The following TRIOBP variants were observed in gnomAD, a reference collection of about 807,000 sequenced individuals.
TRIOBP encodes the protein TRIO and F-actin-binding protein.
A neutral mutation model predicts 238.8 loss-of-function variants in TRIOBP; 169 were observed. That is an observed-to-expected ratio of 0.71 (90% confidence interval 0.62 to 0.80). TRIOBP has a LOEUF of 0.80. Among genes scored for constraint, TRIOBP ranks in the 30% least tolerant of loss-of-function variants. The pLI is 0.00. For synonymous variants in TRIOBP, 1,150 were observed against 1,274.4 expected (o/e 0.90, Z 2.08); for missense variants, 2,838 against 3,122.6 (o/e 0.91, Z 2.17).
At chr22:37,766,264 A>G (rs1926490174) in intron 18 of TRIOBP, among the ~76,000 whole-genome samples, 1 of 152,228 alleles carries the variant, frequency 6.6e-6, no homozygotes, top group Non-Finnish European at 1.5e-5. Context: ...ACTGGGCCCC[A>G]CATGTTTCCC....
intron 10 of TRIOBP, 131 bp downstream of exon 10, chr22:37,738,850 T>C (rs1216002967): frequency 1.0e-6 from 1 of 955,630 alleles, no homozygotes; most frequent in Non-Finnish European, 1.6e-6. Flanking sequence ...GGGTCATCTA[T>C]GTGCATGGTG....
At chr22:37,707,820 T>C (rs942023954) in intron 3 of TRIOBP, among the ~76,000 whole-genome samples, 3 of 150,864 alleles carry the variant, frequency 2.0e-5, no homozygotes, top group African/African-American at 7.3e-5. Context: ...CGGACCCCTG[T>C]AGTCCCAGCT....
Position 37,776,534 on chromosome 22 carries a change from G to A in TRIOBP, c.*2754G>A, listed in dbSNP as rs1927040635. Reference sequence around the variant, plus strand: ...TACAGCTGTGTGTCAGTAGTAGAATGAATAAATTGTGGTCGATTCATACGT... The same window carrying A: ...TACAGCTGTGTGTCAGTAGTAGAATAAATAAATTGTGGTCGATTCATACGT... On this transcript the variant is annotated 3_prime_UTR_variant, in exon 24 of 24. Coordinates refer to ENST00000644935, the MANE Select transcript of TRIOBP (RefSeq NM_001039141.3). The A allele has an allele frequency of 6.6e-6, 1 of 152,196 alleles. No homozygotes were observed. The highest frequency in any genetic ancestry group is 1.5e-5 in the Non-Finnish European group (1 of 68,040). 9.4% of individuals were successfully genotyped at this position (152,196 alleles called of 1,614,324 possible). A position where few individuals can be genotyped will look rare whatever the true frequency, so the allele number is the denominator to read the frequency against.
chr22:37,707,043 G>A (rs1027964132), intron 3 of TRIOBP, among the ~76,000 whole-genome samples: 1 of 152,128 alleles, frequency 6.6e-6, no homozygotes, highest in Non-Finnish European at 1.5e-5. Context: ...CGAGGCGGGT[G>A]GATCACTTGA....
intron 15 of TRIOBP, among the ~76,000 whole-genome samples, chr22:37,756,473 T>C (rs1026860734): frequency 3.3e-5 from 5 of 152,338 alleles, no homozygotes; most frequent in Admixed American, 3.3e-4. Flanking sequence ...TAGCATGTCA[T>C]GTCTGTACAT....
At chr22:37,714,409 C>G (rs1923412526) in intron 5 of TRIOBP, among the ~76,000 whole-genome samples, 1 of 152,222 alleles carries the variant, frequency 6.6e-6, no homozygotes, top group African/African-American at 2.4e-5. Flanking sequence ...TGGCTCACGC[C>G]TGTAATCCCA....
rs748028679 is a variant in TRIOBP at position 37,750,528 on chromosome 22, G to A, written c.5323-1244G>A. On this transcript the variant is annotated intron_variant, in intron 11 of 23. Transcript: ENST00000644935. ...TTCATTCTTAGCTTGGGATCGCCCTGGGCAGCCTCCGTCTCAGGTGGAAGA... is the reference window on the plus strand; with the variant it reads ...TTCATTCTTAGCTTGGGATCGCCCTAGGCAGCCTCCGTCTCAGGTGGAAGA... 1.9e-5 allele frequency: 8 copies of A among 419,928 alleles called. No individual in the cohort carries two copies. In the East Asian group the frequency reaches 2.2e-4, roughly 11 times the overall value. The allele number at this position is 419,928 out of a possible 1,614,324, so 26.0% of individuals were successfully genotyped here. A position where few individuals can be genotyped will look rare whatever the true frequency, so the allele number is the denominator to read the frequency against.
At chr22:37,710,355 G>A in intron 3 of TRIOBP, 72 bp from the exon 4 acceptor site, 1 of 1,601,336 alleles carries the variant, frequency 6.2e-7, no homozygotes, top group South Asian at 1.1e-5. Flanking sequence ...ACGCCACCGG[G>A]AGGGGCTGTG....
At chr22:37,734,282 T>C in intron 8 of TRIOBP, 117 bp from the exon 9 acceptor site, 1 of 1,017,202 alleles carries the variant, frequency 9.8e-7, no homozygotes, top group Non-Finnish European at 1.5e-6. Context: ...TTTGGCCTGC[T>C]TTGATTCAGG....
At chr22:37,745,848 T>G (rs1040524238) in intron 11 of TRIOBP, among the ~76,000 whole-genome samples, 1 of 152,104 alleles carries the variant, frequency 6.6e-6, no homozygotes, top group Non-Finnish European at 1.5e-5. Flanking sequence ...AGCGGACCCA[T>G]CGCTCCGGGG....
chr22:37,737,648 G>C (rs556329020), intron 9 of TRIOBP, among the ~76,000 whole-genome samples: 1 of 134,150 alleles, frequency 7.5e-6, no homozygotes, highest in African/African-American at 2.9e-5. Flanking sequence ...GTGACAGAGC[G>C]AGACTCCATC....
rs756511294 is a variant in TRIOBP at position 37,715,885 on chromosome 22, C to A, written c.579C>A (p.Leu193=). Residue 193 remains leucine, a synonymous_variant, in exon 6 of 24, where the codon CTC becomes CTA. Transcript: ENST00000644935. ...ACAGCTCCCAAAGGGCTCCGTCTCT[C>A]CTCACCAGGTCCCCTGTGGGAGGAG... ...RADSSQRAPS[L]LTRSPVGGDA... 6.2e-7 allele frequency: 1 copy of A among 1,613,670 alleles called. No homozygotes were observed. Among genetic ancestry groups the A allele is most frequent in the East Asian group, 2.2e-5 (1 of 44,870 alleles).
At position 37,734,764 on chromosome 22, in the gene TRIOBP, A is replaced by G. The variant is rs371052391; in HGVS notation, c.4428A>G (p.Ala1476=). The change falls in exon 9 of 24, where the codon GCA becomes GCG. Residue 1476 remains alanine, a synonymous_variant. Transcript: ENST00000644935. ...SLGAAKAPEG[A]WGGTSREYKE... is the part of the protein sequence containing the mutation. ...GGGCAGCCAAAGCCCCGGAGGGAGC[A>G]TGGGGGGGCACTTCCAGGGAGTACA... 6.2e-7 allele frequency: 1 copy of G among 1,612,150 alleles called. No individual in the cohort carries two copies.
At chr22:37,727,486 G>T (rs1174232864) in intron 7 of TRIOBP, among the ~76,000 whole-genome samples, 1 of 151,908 alleles carries the variant, frequency 6.6e-6, no homozygotes, top group Non-Finnish European at 1.5e-5. Context: ...GGCTAACACG[G>T]TGAAACCCCA....
intron 8 of TRIOBP, 77 bp downstream of exon 8, chr22:37,733,489 C>T: frequency 1.7e-6 from 2 of 1,174,784 alleles, no homozygotes; most frequent in Admixed American, 2.0e-5. Flanking sequence ...AGAAGCCAGG[C>T]AGGGGGCTTG....
At chr22:37,700,359 C>T (rs1342160948) in intron 2 of TRIOBP, among the ~76,000 whole-genome samples, 1 of 150,642 alleles carries the variant, frequency 6.6e-6, no homozygotes, top group Non-Finnish European at 1.5e-5. Flanking sequence ...CACACTACCA[C>T]CTCAAACTCC....
intron 6 of TRIOBP, among the ~76,000 whole-genome samples, chr22:37,721,780 G>C (rs1444953036): frequency 1.3e-5 from 2 of 152,174 alleles, no homozygotes; most frequent in Admixed American, 1.3e-4. Flanking sequence ...CACACCCATA[G>C]TTGTGGCTCC....
intron 11 of TRIOBP, chr22:37,746,176 C>T (rs1441053708): frequency 5.8e-6 from 6 of 1,043,300 alleles, no homozygotes; most frequent in Middle Eastern, 4.5e-4. Flanking sequence ...TCGGCTTCCC[C>T]GCCACCCATT....
chr22:37,725,839 G>A lies in TRIOBP; in HGVS notation c.3283G>A (p.Glu1095Lys), dbSNP rs749482204. 3.8e-6 allele frequency: 6 copies of A among 1,587,684 alleles called. No homozygotes were observed. The South Asian group carries it at 4.4e-5, about 12-fold the overall frequency. ...CTTCCTCCCAGACACATCAGATGCCGAGCATCAGTGTCAGTCCCCCCAACA... is the reference window on the plus strand; with the variant it reads ...CTTCCTCCCAGACACATCAGATGCCAAGCATCAGTGTCAGTCCCCCCAACA... ...FPFLPDTSDA[E>K]HQCQSPQHEP... The change falls in exon 7 of 24, where the codon GAG (glutamate) becomes AAG (lysine). Residue 1095 changes from glutamate to lysine, a missense_variant. Glu to Lys is a moderately conservative substitution (Grantham distance 56, BLOSUM62 1). This residue lies in a region of TRIOBP where 2,096 missense variants were observed against 2,137.4 expected (regional missense o/e 0.98). Coordinates refer to ENST00000644935, the MANE Select transcript of TRIOBP (RefSeq NM_001039141.3).
Sources: allele counts gnomAD v4.1 joint callset (sites outside exome capture counted in the v4.1 genomes callset), GRCh38; gene constraint gnomAD v4.1.1; regional missense constraint gnomAD v4.1.1; transcripts MANE v1.5; gene names NCBI Gene and HGNC (gene_info 2026-07-23, HGNC 2026-07-21).